Variants in NTRK3 observed in about 807,000 individuals in gnomAD.
The protein encoded by NTRK3 is neurotrophic receptor tyrosine kinase 3.
NTRK3 carries 24 observed loss-of-function variants against 91.7 expected under a neutral mutation model. That is an observed-to-expected ratio of 0.26 (90% CI 0.19 to 0.37). The LOEUF (loss-of-function observed/expected upper bound fraction) is 0.37. Among genes scored for constraint, NTRK3 ranks in the 10% least tolerant of loss-of-function variants. The pLI, the probability that NTRK3 is intolerant of heterozygous loss-of-function variation, is 1.00. For missense variants in NTRK3, 880 were observed against 1,068.9 expected, an observed-to-expected ratio of 0.82 and a Z score of 2.46; for synonymous variants, 483 against 404.0, an observed-to-expected ratio of 1.20 and a Z score of -2.34.
rs572421150 is a variant in NTRK3 at position 88,095,265 on chromosome 15, A to C, written c.1396+31006T>G. Reference sequence around the variant, plus strand: ...TAAAGAAATGGCTGCTATTTGGAGAAAATGTCTCAACAAAGATGGCTTTAG... The same window carrying C: ...TAAAGAAATGGCTGCTATTTGGAGACAATGTCTCAACAAAGATGGCTTTAG... On this transcript the variant is annotated intron_variant, in intron 13 of 18. Coordinates refer to ENST00000394480, the Ensembl canonical transcript of NTRK3. Among the ~76,000 whole-genome samples the C allele has an allele frequency of 3.3e-5, 5 of 152,348 alleles. No individual in the cohort carries two copies. In the East Asian group the frequency reaches 9.6e-4, roughly 29 times the overall value.
chr15:87,867,776 A>G (rs550122596), exon 19 of NTRK3: 2 of 228,042 alleles, frequency 8.8e-6, no homozygotes, highest in African/African-American at 4.4e-5. Context: ...ACCTGCTTAA[A>G]CTACTTCACA....
At chr15:88,017,179 A>C (rs368571169) in intron 14 of NTRK3, among the ~76,000 whole-genome samples, 3 of 152,184 alleles carry the variant, frequency 2.0e-5, no homozygotes, top group African/African-American at 7.2e-5. Context: ...GTCTCTGATT[A>C]TTATTTTCTA....
chr15:88,097,512 T>C (rs1597295298), intron 13 of NTRK3, among the ~76,000 whole-genome samples: 1 of 152,222 alleles, frequency 6.6e-6, no homozygotes, highest in Non-Finnish European at 1.5e-5. Flanking sequence ...TTTAGCAACA[T>C]GTTTATCCTC....
At chr15:88,232,998 C>G (rs555895849) in intron 3 of NTRK3, among the ~76,000 whole-genome samples, 1 of 152,292 alleles carries the variant, frequency 6.6e-6, no homozygotes, top group Non-Finnish European at 1.5e-5. Flanking sequence ...GACCCTCCCC[C>G]CAGCCCAGAG....
intron 14 of NTRK3, among the ~76,000 whole-genome samples, chr15:88,004,753 A>C (rs953581653): frequency 1.3e-5 from 2 of 152,060 alleles, no homozygotes; most frequent in African/African-American, 4.8e-5. Flanking sequence ...CCAAACTTAA[A>C]AGCTCTGTGA....
chr15:88,188,755 G>T (rs888545925), intron 3 of NTRK3, among the ~76,000 whole-genome samples: 1 of 152,220 alleles, frequency 6.6e-6, no homozygotes, highest in Admixed American at 6.5e-5. Context: ...AATGAGGGGT[G>T]TGTTGGCCTG....
At chr15:88,024,841 T>C (rs1220979984) in intron 14 of NTRK3, among the ~76,000 whole-genome samples, 6 of 152,226 alleles carry the variant, frequency 3.9e-5, no homozygotes, top group Admixed American at 3.3e-4. Flanking sequence ...TTTGAAATGC[T>C]GTGAAGGCAT....
intron 14 of NTRK3, among the ~76,000 whole-genome samples, chr15:88,019,203 G>A (rs547162695): frequency 6.6e-6 from 1 of 152,304 alleles, no homozygotes; most frequent in East Asian, 1.9e-4. Context: ...AATGTACACG[G>A]TATCAATGTT....
At chr15:87,924,586 T>C (rs2068134883) in intron 17 of NTRK3, among the ~76,000 whole-genome samples, 1 of 152,216 alleles carries the variant, frequency 6.6e-6, no homozygotes, top group Non-Finnish European at 1.5e-5. Flanking sequence ...TTGCCTCTTC[T>C]GAACATTCTC....
At chr15:87,919,697 T>G (rs1358581243) in intron 17 of NTRK3, among the ~76,000 whole-genome samples, 1 of 152,200 alleles carries the variant, frequency 6.6e-6, no homozygotes, top group Non-Finnish European at 1.5e-5. Context: ...GGGTGAATCT[T>G]GGACAATTAT....
chr15:88,004,206 T>C (rs1307112852), intron 14 of NTRK3, among the ~76,000 whole-genome samples: 2 of 152,158 alleles, frequency 1.3e-5, no homozygotes, highest in Non-Finnish European at 2.9e-5. Context: ...CTCTCCATCC[T>C]TAATGCCCCT....
At chr15:87,907,320 T>C (rs1001950249) in intron 17 of NTRK3, among the ~76,000 whole-genome samples, 2 of 152,184 alleles carry the variant, frequency 1.3e-5, no homozygotes, top group Non-Finnish European at 2.9e-5. Context: ...TGAAATACCC[T>C]AGCTATACAC....
Position 87,863,085 on chromosome 15 carries a change from C to G in NTRK3, c.*13850G>C, listed in dbSNP as rs114879404. The G allele has an allele frequency of 7.1e-3, 1,631 of 230,836 alleles. 27 individuals carry two copies. Among genetic ancestry groups the G allele is most frequent in the African/African-American group, 0.034 (1,521 of 45,262 alleles). The allele number at this position is 230,836 out of a possible 1,614,324, so 14.3% of individuals were successfully genotyped here. A position where few individuals can be genotyped will look rare whatever the true frequency, so the allele number is the denominator to read the frequency against. ...GTTATAAAGACTTGTGTAGGGGGAG[C>G]CTACTCTAAAGCATGCCCTTCAAAT... On this transcript the variant is annotated 3_prime_UTR_variant, in exon 19 of 19. Transcript: ENST00000394480.
chr15:88,098,357 A>G (rs544637224), intron 13 of NTRK3, among the ~76,000 whole-genome samples: 1 of 152,348 alleles, frequency 6.6e-6, no homozygotes, highest in East Asian at 1.9e-4. Context: ...AATTAATCCA[A>G]ATTGGCTGGA....
rs150975924 is a variant in NTRK3, at chr15:88,244,140, T to C, written c.248+11766A>G. ...ATAGAGCGTTCAGTAGGGGGTAAAA[T>C]GACCCCAGCAGGCCAAGGGGATCTC... On this transcript the variant is annotated intron_variant, in intron 3 of 18. Transcript: ENST00000394480. Among the ~76,000 whole-genome samples the C allele has an allele frequency of 3.3e-5, 5 of 152,278 alleles. No homozygotes were observed. In the East Asian group the frequency reaches 7.7e-4, roughly 23 times the overall value.
chr15:87,955,638 G>C (rs2071579443), intron 14 of NTRK3, among the ~76,000 whole-genome samples: 1 of 152,202 alleles, frequency 6.6e-6, no homozygotes, highest in South Asian at 2.1e-4. Context: ...AGCTGGAAAT[G>C]TTCACCTACA....
At chr15:88,162,096 C>A (rs193037365) in intron 5 of NTRK3, among the ~76,000 whole-genome samples, 7 of 152,272 alleles carry the variant, frequency 4.6e-5, no homozygotes, top group African/African-American at 1.7e-4. Context: ...CTAAATAAAA[C>A]CCTATCACAA....
intron 14 of NTRK3, among the ~76,000 whole-genome samples, chr15:87,942,622 G>A (rs1035932075): frequency 2.0e-5 from 3 of 152,124 alleles, no homozygotes; most frequent in African/African-American, 2.4e-5. Flanking sequence ...CTCTGAACAC[G>A]CCGGGATTGG....
At chr15:87,895,822 ATTTT>A (rs1330806912) in intron 17 of NTRK3, among the ~76,000 whole-genome samples, 1 of 148,218 alleles carries the variant, frequency 6.7e-6, no homozygotes, top group Non-Finnish European at 1.5e-5. Context: ...TTATTTATTT[ATTTT>A]TATTATACTT....
Sources: allele counts gnomAD v4.1 joint callset (sites outside exome capture counted in the v4.1 genomes callset), GRCh38; gene constraint gnomAD v4.1.1; transcripts MANE v1.5; gene names NCBI Gene and HGNC (gene_info 2026-07-23, HGNC 2026-07-21).